Variants in FBXL20 observed in about 807,000 individuals in gnomAD.
FBXL20 encodes F-box and leucine rich repeat protein 20.
FBXL20 carries 11 observed loss-of-function variants against 64.0 expected under a neutral mutation model. The ratio of observed to expected loss-of-function variants is 0.17; its 90% CI spans 0.11 to 0.28. The LOEUF (loss-of-function observed/expected upper bound fraction) is 0.28, where lower values mean the gene tolerates loss of function less well. FBXL20 is among the 10% of genes least tolerant of loss of function. The pLI is 1.00. For missense variants in FBXL20, 303 were observed against 526.2 expected (o/e 0.58, Z 4.15); for synonymous variants, 184 against 189.0 (o/e 0.97, Z 0.22).
intron 9 of FBXL20, among the ~76,000 whole-genome samples, chr17:39,280,462 C>T (rs897309500): frequency 6.7e-6 from 1 of 149,842 alleles, no homozygotes; most frequent in Non-Finnish European, 1.5e-5. Context: ...ATGCAGAAGG[C>T]TGAGGCAGGA....
chr17:39,348,384 C>G (rs1209529119), intron 1 of FBXL20, among the ~76,000 whole-genome samples: 1 of 151,976 alleles, frequency 6.6e-6, no homozygotes, highest in African/African-American at 2.4e-5. Context: ...TCCCTTGAAC[C>G]TGGGAGCGGA....
chr17:39,402,437 C>A, upstream of FBXL20: 1 of 376,072 alleles, frequency 2.7e-6, no homozygotes, highest in Non-Finnish European at 4.7e-6. Context: ...GCCAAGTGCC[C>A]GCCCTGGTCC....
chr17:39,306,442 T>C (rs1406032731), intron 2 of FBXL20, among the ~76,000 whole-genome samples: 1 of 152,216 alleles, frequency 6.6e-6, no homozygotes, highest in Non-Finnish European at 1.5e-5. Context: ...TTTCTCCTGT[T>C]TTCTTCCAAA....
chr17:39,394,419 C>T (rs918323667), intron 1 of FBXL20, among the ~76,000 whole-genome samples: 1 of 151,576 alleles, frequency 6.6e-6, no homozygotes, highest in South Asian at 2.1e-4. Context: ...ACTACAGGCA[C>T]CTGCCACCAC....
At chr17:39,367,948 T>C (rs1489310154) in intron 1 of FBXL20, among the ~76,000 whole-genome samples, 1 of 151,574 alleles carries the variant, frequency 6.6e-6, no homozygotes, top group Non-Finnish European at 1.5e-5. Context: ...TTTCTTTTTT[T>C]TGTACTTTTG....
intron 14 of FBXL20, 36 bp downstream of exon 14, chr17:39,264,139 A>G (rs1288532463): frequency 6.3e-7 from 1 of 1,589,040 alleles, no homozygotes; most frequent in East Asian, 2.3e-5. Flanking sequence ...AAGTGCTGCT[A>G]ACACTAGAGT....
At chr17:39,281,578 G>C in intron 8 of FBXL20, 115 bp from the exon 9 acceptor site, 2 of 726,806 alleles carry the variant, frequency 2.8e-6, no homozygotes, top group South Asian at 3.7e-5. Flanking sequence ...AAGTTTCGAA[G>C]GAACAATGAA....
chr17:39,306,006 A>C (rs150066139), intron 2 of FBXL20, among the ~76,000 whole-genome samples: 263 of 151,956 alleles, frequency 1.7e-3, no homozygotes, highest in African/African-American at 4.8e-3. Context: ...AACAAACAAA[A>C]AAAAACAAAG....
intron 6 of FBXL20, among the ~76,000 whole-genome samples, chr17:39,295,806 T>TATATATATATATATATA (rs202244214): frequency 2.2e-4 from 33 of 149,418 alleles, no homozygotes; most frequent in African/African-American, 2.7e-4. Flanking sequence ...TATATATATA[T>TATATATATATATATATA]TAAGTCTTCT....
intron 2 of FBXL20, among the ~76,000 whole-genome samples, chr17:39,330,447 C>T (rs1405952131): frequency 6.6e-6 from 1 of 151,848 alleles, no homozygotes; most frequent in Non-Finnish European, 1.5e-5. Context: ...AACCCCAGCT[C>T]TACTAAAACT....
chr17:39,393,043 C>T (rs942058494), intron 1 of FBXL20, among the ~76,000 whole-genome samples: 18 of 151,772 alleles, frequency 1.2e-4, no homozygotes, highest in African/African-American at 4.4e-4. Context: ...ACTCTCAGCA[C>T]TTTGGGAAGC....
intron 1 of FBXL20, among the ~76,000 whole-genome samples, chr17:39,350,366 A>G (rs2047676199): frequency 6.6e-6 from 1 of 152,026 alleles, no homozygotes; most frequent in Non-Finnish European, 1.5e-5. Context: ...TTGCATGCCT[A>G]TAATCCCAGC....
chr17:39,354,858 A>G (rs1490579788), intron 1 of FBXL20, among the ~76,000 whole-genome samples: 1 of 152,218 alleles, frequency 6.6e-6, no homozygotes, highest in Admixed American at 6.5e-5. Flanking sequence ...TGAAAAAACA[A>G]AAGTTTGGAA....
intron 1 of FBXL20, among the ~76,000 whole-genome samples, chr17:39,364,046 C>T (rs993745205): frequency 2.0e-5 from 3 of 151,704 alleles, no homozygotes; most frequent in African/African-American, 4.8e-5. Flanking sequence ...TGTGCCACCA[C>T]GCTCGACTAG....
chr17:39,289,422 C>T (rs2047017386), intron 6 of FBXL20, among the ~76,000 whole-genome samples: 1 of 152,180 alleles, frequency 6.6e-6, no homozygotes. Context: ...CTGTGGGAGG[C>T]TGAGGCAGGC....
chr17:39,380,769 A>G (rs1431230539), intron 1 of FBXL20, among the ~76,000 whole-genome samples: 1 of 152,164 alleles, frequency 6.6e-6, no homozygotes, highest in Non-Finnish European at 1.5e-5. Flanking sequence ...CCAGGATGTA[A>G]AAAGTGCACC....
intron 1 of FBXL20, among the ~76,000 whole-genome samples, chr17:39,396,371 G>A (rs886640492): frequency 2.0e-5 from 3 of 151,966 alleles, no homozygotes; most frequent in African/African-American, 4.8e-5. Flanking sequence ...TGAGATGGGT[G>A]TATCACCTGA....
In FBXL20 at chr17:39,264,321, G is replaced by A. The variant is rs757730428; in HGVS notation, c.1057C>T (p.His353Tyr). The A allele has an allele frequency of 1.2e-6, 2 of 1,614,032 alleles. No homozygotes were observed. The highest frequency in any genetic ancestry group is 1.7e-6 in the Non-Finnish European group (2 of 1,180,050). ...IRHLGNGACA[H>Y]DQLEVIELDN... ...AGCTCAATCACCTCCAGCTGGTCAT[G>A]GGCGCAGGCCCCATTCCCCAGGTGA... is the stretch of plus-strand genomic sequence containing the variant. The change falls in exon 14 of 15, where the codon CAT becomes TAT. Residue 353 changes from histidine to tyrosine, a missense_variant. This residue lies in a region of FBXL20 where 246 missense variants were observed against 422.6 expected (regional missense o/e 0.58). Transcript: ENST00000264658.
At chr17:39,392,795 T>C (rs1441353639) in intron 1 of FBXL20, among the ~76,000 whole-genome samples, 4 of 144,684 alleles carry the variant, frequency 2.8e-5, no homozygotes, top group Middle Eastern at 3.7e-3. Context: ...GGTGGATCAC[T>C]TGAGGCCAGA....
Sources: allele counts gnomAD v4.1 joint callset (sites outside exome capture counted in the v4.1 genomes callset), GRCh38; gene constraint gnomAD v4.1.1; regional missense constraint gnomAD v4.1.1; transcripts MANE v1.5; gene names NCBI Gene and HGNC (gene_info 2026-07-23, HGNC 2026-07-21).